Variants in CPT2 observed in about 807,000 individuals in gnomAD.
CPT2 encodes carnitine palmitoyltransferase 2.
CPT2 carries 37 observed loss-of-function variants against 48.6 expected under a neutral mutation model. The ratio of observed to expected loss-of-function variants is 0.76; its 90% confidence interval spans 0.59 to 1.00. CPT2 has a LOEUF of 1.00. CPT2 is among the 50% of genes least tolerant of loss of function. The probability of loss-of-function intolerance (pLI) is 0.00; values close to 1 mark genes in which losing one functional copy is unlikely to be tolerated. For synonymous variants in CPT2, 319 were observed against 326.9 expected, an observed-to-expected ratio of 0.98 and a Z score of 0.26; for missense variants, 772 against 825.6, an observed-to-expected ratio of 0.94 and a Z score of 0.80.
Position 53,213,956 on chromosome 1 carries a change from T to C in CPT2, c.*361T>C, listed in dbSNP as rs558161718. 81 of 291,132 alleles carry C rather than the reference T, an allele frequency of 2.8e-4. No individual in the cohort carries two copies. The highest frequency in any genetic ancestry group is 4.6e-4 in the Non-Finnish European group (70 of 151,458). The allele number at this position is 291,132 out of a possible 1,614,324, so 18.0% of individuals were successfully genotyped here. A position where few individuals can be genotyped will look rare whatever the true frequency, so the allele number is the denominator to read the frequency against. ...CAAAAAAGAAAAAAAAACTGGGGCCTGTGTAGCCAGTGGGTGCTATTCTGT... is the reference window on the plus strand; with the variant it reads ...CAAAAAAGAAAAAAAAACTGGGGCCCGTGTAGCCAGTGGGTGCTATTCTGT... On this transcript the variant is annotated 3_prime_UTR_variant, in exon 5 of 5. Coordinates refer to ENST00000371486, the MANE Select transcript of CPT2 (RefSeq NM_000098.3).
chr1:53,204,649 C>T (rs1397785181), intron 3 of CPT2, among the ~76,000 whole-genome samples: 1 of 152,156 alleles, frequency 6.6e-6, no homozygotes, highest in East Asian at 1.9e-4. Flanking sequence ...TGGTTTGGCT[C>T]TATGTCCCCA....
At chr1:53,201,848 A>G (rs1426227624) in intron 2 of CPT2, 1 of 176,540 alleles carries the variant, frequency 5.7e-6, no homozygotes, top group Non-Finnish European at 1.2e-5. Context: ...ATATGGTAAT[A>G]GCTACCAGTT....
In CPT2 at chr1:53,214,106, T is replaced by C. The variant is rs1645450958; in HGVS notation, c.*511T>C. On this transcript the variant is annotated 3_prime_UTR_variant, in exon 5 of 5. Coordinates refer to ENST00000371486, the MANE Select transcript of CPT2 (RefSeq NM_000098.3). ...ACTGAAGATAACAAGAGATTTAAGT[T>C]TTAAGGGCATTTAATCAGGAGGAAA... 1 of 165,772 alleles carries C rather than the reference T, an allele frequency of 6.0e-6. No individual in the cohort carries two copies. The highest frequency in any genetic ancestry group is 2.4e-5 in the African/African-American group (1 of 41,580). The allele number at this position is 165,772 out of a possible 1,614,324, so 10.3% of individuals were successfully genotyped here. A position where few individuals can be genotyped will look rare whatever the true frequency, so the allele number is the denominator to read the frequency against.
intron 3 of CPT2, chr1:53,208,537 T>C (rs954433909): frequency 2.0e-5 from 3 of 152,236 alleles, no homozygotes; most frequent in Non-Finnish European, 4.4e-5. Flanking sequence ...CATGCACTGA[T>C]ATTTATAATA....
intron 3 of CPT2, chr1:53,204,218 C>A (rs1645372180): frequency 6.6e-6 from 1 of 151,862 alleles, no homozygotes; most frequent in African/African-American, 2.4e-5. Flanking sequence ...TTGTGGAACT[C>A]TATTATTATT....
At chr1:53,213,167 T>C in intron 4 of CPT2, 97 bp from the exon 5 acceptor site, 2 of 1,189,306 alleles carry the variant, frequency 1.7e-6, no homozygotes, top group Non-Finnish European at 2.5e-6. Flanking sequence ...CTCTCAAGGA[T>C]GCTGTGAGGG....
chr1:53,205,468 AAGCAG>A (rs1645381356), intron 3 of CPT2, among the ~76,000 whole-genome samples: 1 of 152,216 alleles, frequency 6.6e-6, no homozygotes, highest in African/African-American at 2.4e-5. Context: ...TTTAAAAGGG[AAGCAG>A]AGCATAAAAG....
At chr1:53,203,935 T>A (rs1357179972) in intron 3 of CPT2, 1 of 152,226 alleles carries the variant, frequency 6.6e-6, no homozygotes, top group Non-Finnish European at 1.5e-5. Context: ...GAGGCTTTGC[T>A]CCATTGTCTT....
At chr1:53,212,010 A>T (rs575098489) in intron 4 of CPT2, among the ~76,000 whole-genome samples, 66 of 151,068 alleles carry the variant, frequency 4.4e-4, no homozygotes, top group Non-Finnish European at 2.2e-4. Flanking sequence ...CTCCTGCCTC[A>T]GCCTCCCAAA....
chr1:53,202,585 A>C (rs1016710593), intron 3 of CPT2, 156 bp downstream of exon 3: 2 of 697,846 alleles, frequency 2.9e-6, no homozygotes, highest in African/African-American at 3.5e-5. Flanking sequence ...ATTAAGGCTG[A>C]GTGTGTTCCT....
chr1:53,212,657 T>C, intron 4 of CPT2: 1 of 399,704 alleles, frequency 2.5e-6, no homozygotes, highest in Non-Finnish European at 4.4e-6. Context: ...TTACCTTTTT[T>C]TGATAAAATT....
At chr1:53,212,298 C>G (rs1189375749) in intron 4 of CPT2, among the ~76,000 whole-genome samples, 1 of 152,024 alleles carries the variant, frequency 6.6e-6, no homozygotes, top group South Asian at 2.1e-4. Context: ...CTCCTGACCT[C>G]ATGATCTACC....
At position 53,213,434 on chromosome 1, in the gene CPT2, G is replaced by A. The variant is rs767201522; in HGVS notation, c.1816G>A (p.Val606Ile). The A allele has an allele frequency of 6.2e-7, 1 of 1,614,240 alleles. No individual in the cohort carries two copies. The highest frequency in any genetic ancestry group is 1.1e-5 in the South Asian group (1 of 91,086). Reference sequence around the variant, plus strand: ...GAACCTTGGGGGCTTTGCCCCTGTGGTCTCTGATGGCTTTGGTGTTGGGTA... The same window carrying A: ...GAACCTTGGGGGCTTTGCCCCTGTGATCTCTGATGGCTTTGGTGTTGGGTA... The part of the protein sequence containing the change: ...AVNLGGFAPV[V>I]SDGFGVGYAV... Residue 606 changes from valine (V) to isoleucine (I), a missense_variant, in exon 5 of 5, where the codon GTC (valine) becomes ATC (isoleucine). Transcript: ENST00000371486.
chr1:53,202,628 C>G lies in CPT2; in HGVS notation c.340+199C>G. On this transcript the variant is annotated intron_variant, in intron 3 of 4. Coordinates refer to ENST00000371486, the MANE Select transcript of CPT2 (RefSeq NM_000098.3). ...TGAGGTGTTGACTTGAGCCCATGCT[C>G]AAGAATGATGGCCAGCCTTCTCTGT... The G allele has an allele frequency of 6.5e-6, 4 of 617,646 alleles. No individual in the cohort carries two copies. The Middle Eastern group carries it at 1.2e-3, about 192-fold the overall frequency. The allele number at this position is 617,646 out of a possible 1,614,324, so 38.3% of individuals were successfully genotyped here.
Position 53,210,337 on chromosome 1 carries a change from C to A in CPT2, c.663C>A (p.Phe221Leu), listed in dbSNP as rs2100272366. The A allele has an allele frequency of 2.5e-6, 4 of 1,614,132 alleles. No homozygotes were observed. The highest frequency in any genetic ancestry group is 3.4e-6 in the Non-Finnish European group (4 of 1,180,036). Reference protein sequence around the residue: ...PLDMSQYFRLFNSTRLPKPSR... With the variant: ...PLDMSQYFRLLNSTRLPKPSR... ...ATATGTCCCAGTATTTTCGGCTTTT[C>A]AACTCAACTCGTTTACCCAAACCCA... The change falls in exon 4 of 5, where the codon TTC becomes TTA. Residue 221 changes from phenylalanine (F) to leucine (L), a missense_variant. Phe to Leu is a conservative substitution (Grantham distance 22, BLOSUM62 0). Coordinates refer to ENST00000371486, the MANE Select transcript of CPT2 (RefSeq NM_000098.3).
At chr1:53,198,889 C>G (rs1350463354) in intron 1 of CPT2, among the ~76,000 whole-genome samples, 1 of 152,200 alleles carries the variant, frequency 6.6e-6, no homozygotes, top group African/African-American at 2.4e-5. Flanking sequence ...GAGATTCCTT[C>G]TGTCGCTCAG....
chr1:53,207,974 G>T (rs918565571), intron 3 of CPT2: 1 of 152,138 alleles, frequency 6.6e-6, no homozygotes, highest in Non-Finnish European at 1.5e-5. Flanking sequence ...TCTTGAGTCT[G>T]CTTTAGTCAT....
At position 53,202,434 on chromosome 1, in the gene CPT2, G is replaced by A; in HGVS notation, c.340+5G>A. On this transcript the variant is annotated splice_donor_5th_base_variant and intron_variant, in intron 3 of 4. Coordinates refer to ENST00000371486, the MANE Select transcript of CPT2 (RefSeq NM_000098.3). ...AACATACAAGCTACATTTCGGGTAG[G>A]TAGGCTGGGCTGTGGGTATGATTTC... The A allele has an allele frequency of 6.2e-7, 1 of 1,608,020 alleles. No homozygotes were observed. The highest frequency in any genetic ancestry group is 8.5e-7 in the Non-Finnish European group (1 of 1,174,362).
At chr1:53,203,905 T>C (rs142503511) in intron 3 of CPT2, 34 of 152,328 alleles carry the variant, frequency 2.2e-4, no homozygotes, top group African/African-American at 7.2e-4. Flanking sequence ...GGTTTGAAAT[T>C]ATTTTCCCAC....
Sources: allele counts gnomAD v4.1 joint callset (sites outside exome capture counted in the v4.1 genomes callset), GRCh38; gene constraint gnomAD v4.1.1; transcripts MANE v1.5; gene names NCBI Gene and HGNC (gene_info 2026-07-23, HGNC 2026-07-21).